MTUS2: variants seen among roughly 807,000 people sequenced by gnomAD.
MTUS2 encodes microtubule-associated tumor suppressor candidate 2.
MTUS2 carries 40 observed loss-of-function variants against 114.1 expected under a neutral mutation model. The ratio of observed to expected loss-of-function variants is 0.35; its 90% confidence interval spans 0.27 to 0.46. The LOEUF (loss-of-function observed/expected upper bound fraction) is 0.46. MTUS2 is among the 20% of genes least tolerant of loss of function. The pLI is 1.00. For missense variants in MTUS2, 1,679 were observed against 1,705.4 expected (o/e 0.98, Z 0.27); for synonymous variants, 688 against 672.0 (o/e 1.02, Z -0.37).
intron 7 of MTUS2, among the ~76,000 whole-genome samples, chr13:29,343,164 G>C (rs4310714): frequency 1.3e-5 from 2 of 151,832 alleles, no homozygotes; most frequent in Non-Finnish European, 2.9e-5. Flanking sequence ...TAGGGTGATA[G>C]TGGCTTCATA....
Position 29,033,939 on chromosome 13 carries a change from G to A in MTUS2, c.2260G>A (p.Glu754Lys), listed in dbSNP as rs948793769. The A allele has an allele frequency of 3.7e-6, 6 of 1,613,884 alleles. No individual in the cohort carries two copies. In the African/African-American group the frequency reaches 6.7e-5, roughly 18 times the overall value. ...TTGTTCTCCTCCCTATGCTCATTAT[G>A]AAGTCCCTCCAACTTTCTATCGGTC... is the stretch of plus-strand genomic sequence containing the variant. ...EFCSPPYAHY[E>K]VPPTFYRSAM... The change falls in exon 4 of 16, where the codon GAA becomes AAA. Residue 754 changes from glutamate to lysine, a missense_variant. Glu to Lys is a moderately conservative substitution (Grantham distance 56). Transcript: ENST00000612955.
At chr13:29,435,999 G>GA (rs1877380255) in intron 8 of MTUS2, among the ~76,000 whole-genome samples, 2 of 152,170 alleles carry the variant, frequency 1.3e-5, no homozygotes, top group Admixed American at 1.3e-4. Flanking sequence ...CCAGACGCTG[G>GA]AAACAGACTA....
chr13:29,239,146 T>G (rs1389586132), intron 5 of MTUS2, among the ~76,000 whole-genome samples: 1 of 152,190 alleles, frequency 6.6e-6, no homozygotes, highest in East Asian at 1.9e-4. Flanking sequence ...TGTGAGGTGG[T>G]GAATGTATTA....
At chr13:29,309,029 A>T (rs1899620968) in intron 6 of MTUS2, among the ~76,000 whole-genome samples, 2 of 152,218 alleles carry the variant, frequency 1.3e-5, no homozygotes, top group South Asian at 4.1e-4. Context: ...AATTCCTCAA[A>T]GACCTAGAGG....
intron 4 of MTUS2, among the ~76,000 whole-genome samples, chr13:29,065,914 C>G (rs1168160932): frequency 6.9e-6 from 1 of 145,740 alleles, no homozygotes; most frequent in Non-Finnish European, 1.5e-5. Flanking sequence ...AAATTCAAAC[C>G]CCCCCCCACC....
intron 2 of MTUS2, among the ~76,000 whole-genome samples, chr13:28,875,226 TTAAA>T (rs1877860079): frequency 6.6e-6 from 1 of 151,978 alleles, no homozygotes; most frequent in South Asian, 2.1e-4. Context: ...TAAAAATGTG[TTAAA>T]TGAATGAATA....
intron 2 of MTUS2, among the ~76,000 whole-genome samples, chr13:28,975,511 A>G (rs571603321): frequency 5.4e-5 from 8 of 147,660 alleles, no homozygotes; most frequent in Non-Finnish European, 1.2e-4. Context: ...CCTCCCCTGC[A>G]GCCCCCTGCC....
At chr13:28,907,528 C>T (rs1880111891) in intron 2 of MTUS2, among the ~76,000 whole-genome samples, 1 of 151,318 alleles carries the variant, frequency 6.6e-6, no homozygotes, top group African/African-American at 2.4e-5. Flanking sequence ...CAGAGACACA[C>T]ATAGGCTCAA....
chr13:29,428,661 T>A, intron 8 of MTUS2: 1 of 1,118,132 alleles, frequency 8.9e-7, no homozygotes, highest in Non-Finnish European at 1.1e-6. Context: ...CTCCTCCTCC[T>A]CTCATTCCTC....
intron 4 of MTUS2, among the ~76,000 whole-genome samples, chr13:29,062,095 G>T (rs370151531): frequency 6.6e-6 from 1 of 152,020 alleles, no homozygotes; most frequent in Non-Finnish European, 1.5e-5. Context: ...AGCAATTCTC[G>T]TGCCTCAGCC....
At chr13:29,403,138 A>G (rs1224834092) in intron 8 of MTUS2, among the ~76,000 whole-genome samples, 1 of 152,212 alleles carries the variant, frequency 6.6e-6, no homozygotes, top group Non-Finnish European at 1.5e-5. Flanking sequence ...AAATAGCCCT[A>G]TCCTCCAATT....
intron 8 of MTUS2, among the ~76,000 whole-genome samples, chr13:29,418,643 T>C (rs1024717263): frequency 6.6e-6 from 1 of 152,208 alleles, no homozygotes; most frequent in Non-Finnish European, 1.5e-5. Context: ...CTGGCCCCGC[T>C]TCCCTAGGGT....
intron 3 of MTUS2, among the ~76,000 whole-genome samples, chr13:29,030,161 G>T (rs1472097229): frequency 6.6e-6 from 1 of 152,096 alleles, no homozygotes; most frequent in Non-Finnish European, 1.5e-5. Flanking sequence ...TATATTACAT[G>T]CATAGTTTTC....
At chr13:29,235,107 T>A (rs571441355) in intron 5 of MTUS2, among the ~76,000 whole-genome samples, 6 of 152,200 alleles carry the variant, frequency 3.9e-5, no homozygotes, top group African/African-American at 1.4e-4. Flanking sequence ...AATTAATTAA[T>A]TTTTTTGAGA....
chr13:29,201,862 C>T (rs1040006831), intron 5 of MTUS2, among the ~76,000 whole-genome samples: 7 of 152,134 alleles, frequency 4.6e-5, no homozygotes, highest in Admixed American at 2.6e-4. Context: ...ATGGTTTCTG[C>T]GGAGAGATCT....
In MTUS2 at chr13:29,170,846, G is replaced by A. The variant is rs969816197; in HGVS notation, c.2644+69876G>A. Among the ~76,000 whole-genome samples, 12 of 152,256 alleles carry A rather than the reference G, an allele frequency of 7.9e-5. No homozygotes were observed. In the South Asian group the frequency reaches 8.3e-4, roughly 11 times the overall value. On this transcript the variant is annotated intron_variant, in intron 5 of 15. Transcript: ENST00000612955. ...GTTGTGGTTGTTATTCAGTAATGTT[G>A]TTCTTTGAAACAGCTTTCTACATTT...
In MTUS2 at chr13:29,026,982, G is replaced by T. The variant is rs369092259; in HGVS notation, c.2205+79G>T. ...GACATATTTTCAATGAGTTATGAAA[G>T]TAAAATGTCCTCTTTAAGTGAATTA... On this transcript the variant is annotated intron_variant, in intron 3 of 15. Transcript: ENST00000612955. 51 of 1,382,326 alleles carry T rather than the reference G, an allele frequency of 3.7e-5. 1 individual carries two copies. The Admixed American group carries it at 7.3e-4, about 20-fold the overall frequency. The allele number at this position is 1,382,326 out of a possible 1,614,324, so 85.6% of individuals were successfully genotyped here.
chr13:28,868,549 A>T (rs1877434638), intron 2 of MTUS2, among the ~76,000 whole-genome samples: 1 of 152,090 alleles, frequency 6.6e-6, no homozygotes, highest in Admixed American at 6.5e-5. Flanking sequence ...AAAGGGAGGG[A>T]TGGGAATAGA....
chr13:28,912,009 C>G (rs972229544), intron 2 of MTUS2, among the ~76,000 whole-genome samples: 1 of 151,840 alleles, frequency 6.6e-6, no homozygotes, highest in African/African-American at 2.4e-5. Context: ...TAGTTTAATT[C>G]GATTCCATTT....
Sources: allele counts gnomAD v4.1 joint callset (sites outside exome capture counted in the v4.1 genomes callset), GRCh38; gene constraint gnomAD v4.1.1; transcripts MANE v1.5; gene names NCBI Gene and HGNC (gene_info 2026-07-23, HGNC 2026-07-21).